The following FAM78B variants were observed in gnomAD, a reference collection of about 807,000 sequenced individuals.
FAM78B encodes protein FAM78B.
FAM78B carries 10 observed loss-of-function variants against 20.0 expected under a neutral mutation model. The ratio of observed to expected loss-of-function variants is 0.50; its 90% CI spans 0.31 to 0.85. The LOEUF (loss-of-function observed/expected upper bound fraction) is 0.85, where lower values mean the gene tolerates loss of function less well. Ranked by LOEUF, FAM78B falls within the 40% of genes least tolerant of loss-of-function variation. The probability of loss-of-function intolerance (pLI) is 0.05; values close to 1 mark genes in which losing one functional copy is unlikely to be tolerated. For synonymous variants in FAM78B, 135 were observed against 132.8 expected (o/e 1.02, Z -0.12); for missense variants, 283 against 345.0 (o/e 0.82, Z 1.42).
chr1:166,061,540 T>C (rs1197596462), intron 2 of FAM78B, among the ~76,000 whole-genome samples: 1 of 152,220 alleles, frequency 6.6e-6, no homozygotes, highest in Non-Finnish European at 1.5e-5. Flanking sequence ...CTTGTTCCAA[T>C]TGTTTGAAGT....
intron 1 of FAM78B, among the ~76,000 whole-genome samples, chr1:166,076,708 G>C (rs758430828): frequency 6.6e-6 from 1 of 152,152 alleles, no homozygotes; most frequent in Non-Finnish European, 1.5e-5. Context: ...GGGAAAATAG[G>C]AGTTCAAAAT....
At chr1:166,160,828 G>GT (rs1656120192) in intron 1 of FAM78B, among the ~76,000 whole-genome samples, 1 of 152,232 alleles carries the variant, frequency 6.6e-6, no homozygotes, top group African/African-American at 2.4e-5. Flanking sequence ...TAATGGACAA[G>GT]TCAGAAATTA....
At chr1:166,148,471 G>A (rs1024420148) in intron 1 of FAM78B, among the ~76,000 whole-genome samples, 7 of 152,202 alleles carry the variant, frequency 4.6e-5, no homozygotes, top group African/African-American at 1.4e-4. Flanking sequence ...GGTCTTTCAT[G>A]AGCCATAGTT....
intron 1 of FAM78B, among the ~76,000 whole-genome samples, chr1:166,130,814 T>C (rs1279113410): frequency 6.6e-6 from 1 of 152,162 alleles, no homozygotes; most frequent in Non-Finnish European, 1.5e-5. Context: ...CCCAGACCTG[T>C]GCTCTTTCTC....
intron 1 of FAM78B, among the ~76,000 whole-genome samples, chr1:166,104,890 T>C (rs1002569670): frequency 6.6e-6 from 1 of 152,216 alleles, no homozygotes; most frequent in Non-Finnish European, 1.5e-5. Context: ...AGAGCCCGCA[T>C]TGCCAAGTCA....
intron 1 of FAM78B, among the ~76,000 whole-genome samples, chr1:166,141,203 A>G (rs896274037): frequency 6.6e-6 from 1 of 152,224 alleles, no homozygotes; most frequent in Non-Finnish European, 1.5e-5. Flanking sequence ...TGGGGACAGC[A>G]ATGTGCAACG....
chr1:166,086,177 G>C (rs1652821638), intron 1 of FAM78B, among the ~76,000 whole-genome samples: 2 of 151,782 alleles, frequency 1.3e-5, no homozygotes, highest in Non-Finnish European at 2.9e-5. Flanking sequence ...CTTAACTCTG[G>C]CCTCTGGCTC....
chr1:166,156,088 G>A (rs531398005), intron 1 of FAM78B, among the ~76,000 whole-genome samples: 4 of 152,328 alleles, frequency 2.6e-5, no homozygotes, highest in African/African-American at 7.2e-5. Context: ...AGCCTGTGCC[G>A]GACACAGGCC....
chr1:166,070,492 T>C lies in FAM78B; in HGVS notation c.535A>G (p.Thr179Ala), dbSNP rs1210505582. ...FTTWLVAMNT[T>A]TKEKIILQTI... ...TGCAGAATGATCTTCTCCTTTGTGG[T>C]GGTGTTCATGGCCACCAGCCAGGTC... The change falls in exon 2 of 2, where the codon ACC (threonine) becomes GCC (alanine). Residue 179 changes from threonine (T) to alanine (A), a missense_variant. Physicochemically the swap from Thr to Ala is moderately conservative, Grantham distance 58. Coordinates refer to ENST00000354422, the MANE Select transcript of FAM78B (RefSeq NM_001017961.5). The C allele has an allele frequency of 3.1e-6, 5 of 1,614,204 alleles. No individual in the cohort carries two copies. Among genetic ancestry groups the C allele is most frequent in the Non-Finnish European group, 3.4e-6 (4 of 1,180,022 alleles).
chr1:166,075,415 A>G (rs138308921), intron 1 of FAM78B, among the ~76,000 whole-genome samples: 76 of 152,320 alleles, frequency 5.0e-4, no homozygotes, highest in African/African-American at 1.7e-3. Context: ...AGAGGCAAGT[A>G]TGGCTGATTG....
At chr1:166,086,717 G>A (rs1652845543) in intron 1 of FAM78B, among the ~76,000 whole-genome samples, 1 of 152,194 alleles carries the variant, frequency 6.6e-6, no homozygotes, top group African/African-American at 2.4e-5. Flanking sequence ...TAAAGATGCT[G>A]GCAGCTGAGT....
intron 1 of FAM78B, among the ~76,000 whole-genome samples, chr1:166,159,336 C>T (rs1306317023): frequency 6.6e-6 from 1 of 152,136 alleles, no homozygotes; most frequent in Non-Finnish European, 1.5e-5. Flanking sequence ...GGTTACCCAA[C>T]CCCCTGAGAC....
At chr1:166,144,368 C>G (rs955524112) in intron 1 of FAM78B, among the ~76,000 whole-genome samples, 1 of 152,164 alleles carries the variant, frequency 6.6e-6, no homozygotes, top group Non-Finnish European at 1.5e-5. Flanking sequence ...ATGAAATCAA[C>G]AGATGGCAAT....
intron 1 of FAM78B, among the ~76,000 whole-genome samples, chr1:166,092,371 C>CT (rs1653110526): frequency 6.6e-6 from 1 of 152,184 alleles, no homozygotes; most frequent in Non-Finnish European, 1.5e-5. Context: ...CCTGGCATTG[C>CT]TAACCACACC....
At chr1:166,080,512 G>A (rs993058385) in intron 1 of FAM78B, among the ~76,000 whole-genome samples, 3 of 152,190 alleles carry the variant, frequency 2.0e-5, no homozygotes, top group African/African-American at 7.2e-5. Context: ...GAGAGTCTGT[G>A]GTCTAACCGC....
At position 166,070,782 on chromosome 1, in the gene FAM78B, T is replaced by C. The variant is rs1302435034; in HGVS notation, c.264-19A>G. On this transcript the variant is annotated intron_variant, in intron 1 of 1. Transcript: ENST00000354422. ...GCTTGACCTGGCAAAGCAGAAGACA[T>C]GCACAAGAAAAGAAGAGGCTGAATG... is the stretch of plus-strand genomic sequence containing the variant. The C allele has an allele frequency of 2.0e-6, 3 of 1,522,692 alleles. No individual in the cohort carries two copies. The highest frequency in any genetic ancestry group is 2.3e-5 in the East Asian group (1 of 44,082). The allele number at this position is 1,522,692 out of a possible 1,614,324, so 94.3% of individuals were successfully genotyped here. A position where few individuals can be genotyped will look rare whatever the true frequency, so the allele number is the denominator to read the frequency against.
rs946393954 is a variant in FAM78B, at chr1:166,166,031, G to C, written c.218C>G (p.Ala73Gly). Residue 73 changes from alanine to glycine, a missense_variant, in exon 1 of 2, where the codon GCG becomes GGG. Ala to Gly is a moderately conservative substitution (Grantham distance 60). Coordinates refer to ENST00000354422, the MANE Select transcript of FAM78B (RefSeq NM_001017961.5). Reference protein sequence around the residue: ...HETWVVGWIQACNQMEFFNTY... With the variant: ...HETWVVGWIQGCNQMEFFNTY... ...GTTGAAGAACTCCATCTGATTGCAC[G>C]CCTGAATCCAGCCCACCACCCAGGT... 1 of 1,613,244 alleles carries C rather than the reference G, an allele frequency of 6.2e-7. No homozygotes were observed. Among genetic ancestry groups the C allele is most frequent in the Non-Finnish European group, 8.5e-7 (1 of 1,179,654 alleles).
intron 1 of FAM78B, among the ~76,000 whole-genome samples, chr1:166,101,293 G>A (rs1367456290): frequency 2.0e-5 from 3 of 152,252 alleles, no homozygotes; most frequent in South Asian, 2.1e-4. Flanking sequence ...GCCTCTTCTC[G>A]AAAGGAATGC....
chr1:166,152,630 C>T (rs1655721006), intron 1 of FAM78B, among the ~76,000 whole-genome samples: 1 of 151,980 alleles, frequency 6.6e-6, no homozygotes, highest in Non-Finnish European at 1.5e-5. Flanking sequence ...ACCCCACATG[C>T]TCAGGGGAAG....
Sources: allele counts gnomAD v4.1 joint callset (sites outside exome capture counted in the v4.1 genomes callset), GRCh38; gene constraint gnomAD v4.1.1; transcripts MANE v1.5; gene names NCBI Gene and HGNC (gene_info 2026-07-23, HGNC 2026-07-21).